EYS: variants seen among roughly 807,000 people sequenced by gnomAD.
EYS encodes the protein protein eyes shut homolog.
In EYS, 250 loss-of-function variants were observed where a neutral mutation model predicts 282.1. That is an observed-to-expected ratio of 0.89 (90% CI 0.80 to 0.98). EYS has a LOEUF of 0.98. Among genes scored for constraint, EYS ranks in the 50% least tolerant of loss-of-function variants. EYS has a pLI of 0.00. For missense variants in EYS, 4,016 were observed against 3,709.0 expected (o/e 1.08, Z -2.15); for synonymous variants, 1,355 against 1,282.9 (o/e 1.06, Z -1.20).
chr6:64,566,452 TTAA>T (rs1221203499), intron 26 of EYS, among the ~76,000 whole-genome samples: 6 of 152,256 alleles, frequency 3.9e-5, no homozygotes, highest in South Asian at 2.1e-4. Flanking sequence ...ATCATTGATG[TTAA>T]TAATAAGCAA....
intron 1 of EYS, among the ~76,000 whole-genome samples, chr6:65,699,972 G>A (rs986948007): frequency 4.0e-5 from 6 of 151,708 alleles, no homozygotes; most frequent in African/African-American, 7.2e-5. Flanking sequence ...AAAATTAGCC[G>A]GGCGTGGTGG....
rs984583696 is a variant in EYS, at chr6:65,005,811, A to G, written c.2138-8108T>C. 3.3e-4 allele frequency among the ~76,000 whole-genome samples: 39 copies of G among 119,024 alleles called. 6 individuals carry two copies. The highest frequency in any genetic ancestry group is 4.0e-4 in the Admixed American group (5 of 12,394). The allele number at this position is 119,024 out of a possible 152,430, so 78.1% of individuals were successfully genotyped here. On this transcript the variant is annotated intron_variant, in intron 13 of 42. Coordinates refer to ENST00000503581, the MANE Select transcript of EYS (RefSeq NM_001142800.2). ...GAACTCCCGGCAGTAGCCGGTTAAGATCATGGCACAGCCAGAAGTCTCTAC... is the reference window on the plus strand; with the variant it reads ...GAACTCCCGGCAGTAGCCGGTTAAGGTCATGGCACAGCCAGAAGTCTCTAC...
chr6:64,557,372 A>G (rs1231664563), intron 26 of EYS, among the ~76,000 whole-genome samples: 1 of 151,958 alleles, frequency 6.6e-6, no homozygotes, highest in South Asian at 2.1e-4. Flanking sequence ...TTCAAGATTT[A>G]TTTGGTTCTT....
chr6:64,908,786 C>T (rs1215858239), intron 16 of EYS, among the ~76,000 whole-genome samples: 1 of 151,682 alleles, frequency 6.6e-6, no homozygotes, highest in African/African-American at 2.4e-5. Flanking sequence ...TGTGAGTGTG[C>T]AAAAGTTAAA....
At chr6:63,853,539 G>A (rs1056976585) in intron 36 of EYS, among the ~76,000 whole-genome samples, 23 of 152,142 alleles carry the variant, frequency 1.5e-4, no homozygotes, top group Admixed American at 7.2e-4. Context: ...AATCAATGTC[G>A]TGCAAATGGC....
At chr6:65,300,077 A>G (rs1768775444) in intron 11 of EYS, among the ~76,000 whole-genome samples, 1 of 152,146 alleles carries the variant, frequency 6.6e-6, no homozygotes, top group African/African-American at 2.4e-5. Flanking sequence ...TTTAATCACT[A>G]TATTTTTAGT....
intron 39 of EYS, among the ~76,000 whole-genome samples, chr6:63,785,214 A>G (rs971541341): frequency 2.0e-5 from 3 of 152,222 alleles, no homozygotes; most frequent in African/African-American, 7.2e-5. Context: ...GTTTCACTTC[A>G]GTTATTCTGC....
chr6:64,168,695 G>T (rs1464881384), intron 31 of EYS, among the ~76,000 whole-genome samples: 1 of 152,142 alleles, frequency 6.6e-6, no homozygotes, highest in Non-Finnish European at 1.5e-5. Context: ...TCCAGGGAAG[G>T]AAAACTTATG....
At chr6:64,416,193 G>A (rs1013450492) in intron 28 of EYS, among the ~76,000 whole-genome samples, 9 of 152,108 alleles carry the variant, frequency 5.9e-5, no homozygotes, top group African/African-American at 2.2e-4. Flanking sequence ...TCATAGCCTG[G>A]CTCAGTTCCT....
intron 35 of EYS, among the ~76,000 whole-genome samples, chr6:63,977,402 A>G (rs1339820536): frequency 6.6e-6 from 1 of 152,046 alleles, no homozygotes; most frequent in Non-Finnish European, 1.5e-5. Flanking sequence ...GCTATCAAAC[A>G]CTAGAGCTTA....
intron 28 of EYS, among the ~76,000 whole-genome samples, chr6:64,413,082 A>C (rs1167149519): frequency 2.0e-5 from 3 of 152,272 alleles, no homozygotes; most frequent in East Asian, 1.9e-4. Flanking sequence ...ATACTAGTTG[A>C]AGCTTATGTT....
intron 19 of EYS, among the ~76,000 whole-genome samples, chr6:64,825,277 A>G (rs1006929471): frequency 1.3e-5 from 2 of 151,850 alleles, no homozygotes; most frequent in South Asian, 2.1e-4. Flanking sequence ...CGCAATTGCC[A>G]TTATCCTGTT....
At chr6:64,339,389 C>T (rs932290195) in intron 29 of EYS, among the ~76,000 whole-genome samples, 2 of 151,972 alleles carry the variant, frequency 1.3e-5, no homozygotes, top group Non-Finnish European at 2.9e-5. Context: ...CTCAACATCA[C>T]TAATGATCAG....
rs537731312 is a variant in EYS at position 64,942,739 on chromosome 6, C to A, written c.2381+3054G>T. ...TAATTTTAAAAAAACAACCTACCAACTAAATAAAGCCCCAGACCAGATGGA... is the reference window on the plus strand; with the variant it reads ...TAATTTTAAAAAAACAACCTACCAAATAAATAAAGCCCCAGACCAGATGGA... On this transcript the variant is annotated intron_variant, in intron 15 of 42. Transcript: ENST00000503581. Among the ~76,000 whole-genome samples, 14 of 148,660 alleles carry A rather than the reference C, an allele frequency of 9.4e-5. No individual in the cohort carries two copies. The Admixed American group carries it at 9.4e-4, about 10-fold the overall frequency.
chr6:64,996,711 G>GA (rs1191763335), intron 14 of EYS, among the ~76,000 whole-genome samples: 4 of 152,120 alleles, frequency 2.6e-5, no homozygotes, highest in Admixed American at 6.6e-5. Flanking sequence ...GTCCTTGTGG[G>GA]AAAAAACAGT....
At chr6:65,362,599 T>C (rs915759893) in intron 8 of EYS, among the ~76,000 whole-genome samples, 72 of 151,752 alleles carry the variant, frequency 4.7e-4, no homozygotes, top group African/African-American at 1.5e-3. Flanking sequence ...ACGTATACAT[T>C]TATATATATG....
intron 12 of EYS, among the ~76,000 whole-genome samples, chr6:65,201,504 A>T (rs1193358502): frequency 6.6e-6 from 1 of 152,168 alleles, no homozygotes; most frequent in East Asian, 1.9e-4. Context: ...GGATGACTAA[A>T]TTGAAAAATC....
At chr6:64,175,766 C>G (rs1424626321) in intron 31 of EYS, among the ~76,000 whole-genome samples, 1 of 152,050 alleles carries the variant, frequency 6.6e-6, no homozygotes, top group Non-Finnish European at 1.5e-5. Context: ...ACCCCAACGG[C>G]AACTGTGGCT....
chr6:65,007,185 C>T (rs915020829), intron 13 of EYS, among the ~76,000 whole-genome samples: 10 of 152,020 alleles, frequency 6.6e-5, no homozygotes, highest in East Asian at 3.9e-4. Flanking sequence ...TGGGTGGTTA[C>T]GCACCTAGAA....
Sources: gnomAD v4.1 joint callset for allele counts (sites outside exome capture counted in the v4.1 genomes callset) on GRCh38, gnomAD v4.1.1 for gene constraint, MANE v1.5 for transcripts, NCBI Gene and HGNC (gene_info 2026-07-23, HGNC 2026-07-21) for gene names.